Variants in SMG6 observed in about 807,000 individuals in gnomAD.
The protein encoded by SMG6 is telomerase-binding protein EST1A.
SMG6 carries 66 observed loss-of-function variants against 142.2 expected under a neutral mutation model. That is an observed-to-expected ratio of 0.46 (90% CI 0.38 to 0.57). The LOEUF (loss-of-function observed/expected upper bound fraction) is 0.57. Ranked by LOEUF, SMG6 falls within the 20% of genes least tolerant of loss-of-function variation. SMG6 has a pLI of 0.00. For synonymous variants in SMG6, 779 were observed against 702.4 expected (o/e 1.11, Z -1.72); for missense variants, 1,793 against 1,832.0 (o/e 0.98, Z 0.39).
At chr17:2,073,990 A>G (rs940539390) in intron 15 of SMG6, among the ~76,000 whole-genome samples, 1 of 151,884 alleles carries the variant, frequency 6.6e-6, no homozygotes, top group East Asian at 2.0e-4. Flanking sequence ...GAGGCAGGAG[A>G]ATCGCTTAAA....
chr17:2,205,374 C>T (rs1035531474), intron 10 of SMG6, among the ~76,000 whole-genome samples: 1 of 152,148 alleles, frequency 6.6e-6, no homozygotes, highest in Non-Finnish European at 1.5e-5. Context: ...CGTGAGCCAC[C>T]ACGCCTGGCC....
rs192830132 is a variant in SMG6 at position 2,154,643 on chromosome 17, T to C, written c.3357+18015A>G. ...TATATTCAAGCTGAAATCAGAGGCC[T>C]AGACTAACTAGAGGCCTGCTGGCTG... On this transcript the variant is annotated intron_variant, in intron 13 of 18. Transcript: ENST00000263073. Among the ~76,000 whole-genome samples, 91 of 152,312 alleles carry C rather than the reference T, an allele frequency of 6.0e-4. No homozygotes were observed. In the Middle Eastern group the frequency reaches 0.01, roughly 17 times the overall value.
In SMG6 at chr17:2,181,000, G is replaced by A. The variant is rs115982121; in HGVS notation, c.3155+5663C>T. ...GGAGCATTTCCAAACCCTTCAAAAC[G>A]ATGAGCAGCAACAAGGACTTTACAA... On this transcript the variant is annotated intron_variant, in intron 12 of 18. Coordinates refer to ENST00000263073, the MANE Select transcript of SMG6 (RefSeq NM_017575.5). Among the ~76,000 whole-genome samples, 362 of 152,218 alleles carry A rather than the reference G, an allele frequency of 2.4e-3. 5 individuals carry two copies. The highest frequency in any genetic ancestry group is 7.9e-3 in the African/African-American group (329 of 41,534).
chr17:2,200,713 T>A (rs750658910), intron 10 of SMG6, among the ~76,000 whole-genome samples: 17 of 152,152 alleles, frequency 1.1e-4, no homozygotes, highest in Admixed American at 3.3e-4. Context: ...AATTTAATTT[T>A]ATTTATTTAT....
chr17:2,077,954 C>T (rs2068306135), intron 15 of SMG6, among the ~76,000 whole-genome samples: 1 of 152,110 alleles, frequency 6.6e-6, no homozygotes, highest in Non-Finnish European at 1.5e-5. Flanking sequence ...GAAAAACAGA[C>T]TGGGAACAGA....
intron 12 of SMG6, among the ~76,000 whole-genome samples, chr17:2,185,893 C>A (rs929770060): frequency 1.3e-5 from 2 of 152,132 alleles, no homozygotes; most frequent in Admixed American, 1.3e-4. Context: ...AGGAGACAAA[C>A]TGCAGAAGAC....
At chr17:2,226,800 G>C (rs1194224842) in intron 10 of SMG6, among the ~76,000 whole-genome samples, 1 of 151,456 alleles carries the variant, frequency 6.6e-6, no homozygotes, top group Non-Finnish European at 1.5e-5. Flanking sequence ...GGGAGGCTGA[G>C]GCACGAGAAT....
rs575521079 is a variant in SMG6, at chr17:2,147,253, C to T, written c.3357+25405G>A. Among the ~76,000 whole-genome samples the T allele has an allele frequency of 8.5e-5, 13 of 152,076 alleles. No individual in the cohort carries two copies. In the South Asian group the frequency reaches 2.1e-3, roughly 24 times the overall value. ...ACTAAAAATACAAAAATTAGCTGAG[C>T]GTGGTGGTGGGTGACTGTAATCCCA... On this transcript the variant is annotated intron_variant, in intron 13 of 18. Transcript: ENST00000263073.
chr17:2,287,510 G>A (rs1394145908), intron 6 of SMG6, among the ~76,000 whole-genome samples: 4 of 152,056 alleles, frequency 2.6e-5, no homozygotes, highest in Non-Finnish European at 5.9e-5. Flanking sequence ...CCTAAAATCA[G>A]AATTACCAAA....
intron 13 of SMG6, among the ~76,000 whole-genome samples, chr17:2,140,249 G>A (rs902683152): frequency 6.6e-6 from 1 of 151,736 alleles, no homozygotes; most frequent in Admixed American, 6.6e-5. Flanking sequence ...TTTTAGTAGA[G>A]ATGGGGTTTT....
intron 13 of SMG6, among the ~76,000 whole-genome samples, chr17:2,168,840 C>T (rs913868765): frequency 2.0e-5 from 3 of 152,078 alleles, no homozygotes; most frequent in African/African-American, 7.2e-5. Context: ...CCTCTACCTT[C>T]TGGGTTCAAG....
intron 13 of SMG6, among the ~76,000 whole-genome samples, chr17:2,115,042 G>A (rs1474418840): frequency 6.6e-6 from 1 of 151,712 alleles, no homozygotes; most frequent in East Asian, 1.9e-4. Flanking sequence ...GATCCTACCA[G>A]GGTTGATGGG....
intron 13 of SMG6, among the ~76,000 whole-genome samples, chr17:2,108,343 G>A (rs1208772844): frequency 2.6e-5 from 4 of 152,132 alleles, no homozygotes; most frequent in Admixed American, 2.0e-4. Flanking sequence ...CTTGCCAGGC[G>A]CAGTGACTCA....
chr17:2,191,836 T>C (rs1195954025), intron 10 of SMG6, among the ~76,000 whole-genome samples: 1 of 152,214 alleles, frequency 6.6e-6, no homozygotes, highest in Non-Finnish European at 1.5e-5. Flanking sequence ...GTCGTCAAAG[T>C]TGCATGAAAT....
At chr17:2,277,152 TATTTATTTATTTATTTTTTA>T (rs1567740152) in intron 8 of SMG6, among the ~76,000 whole-genome samples, 3 of 78,064 alleles carry the variant, frequency 3.8e-5, no homozygotes, top group African/African-American at 1.7e-4. Flanking sequence ...TTTATTTATT[TATTTATTTATTTATTTTTTA>T]TTTTTTTTTT....
At chr17:2,122,893 C>T (rs1258874851) in intron 13 of SMG6, among the ~76,000 whole-genome samples, 1 of 152,216 alleles carries the variant, frequency 6.6e-6, no homozygotes, top group African/African-American at 2.4e-5. Flanking sequence ...CACAGAGGGG[C>T]CCCTTCCTCT....
chr17:2,094,078 G>A lies in SMG6; in HGVS notation c.3358-8177C>T, dbSNP rs888130698. Reference sequence around the variant, plus strand: ...TGCATTACTCCAGTAATCTAGAGAGGCTCCAAGGTCCCGGGCTTCGGAACA... The same window carrying A: ...TGCATTACTCCAGTAATCTAGAGAGACTCCAAGGTCCCGGGCTTCGGAACA... On this transcript the variant is annotated intron_variant, in intron 13 of 18. Transcript: ENST00000263073. 4.7e-4 allele frequency among the ~76,000 whole-genome samples: 71 copies of A among 152,266 alleles called. 1 individual carries two copies. Among genetic ancestry groups the A allele is most frequent in the Admixed American group, 3.9e-3 (59 of 15,304 alleles).
At chr17:2,186,895 C>T (rs1311233668) in intron 11 of SMG6, 64 bp from the exon 12 acceptor site, 15 of 1,556,566 alleles carry the variant, frequency 9.6e-6, no homozygotes, top group East Asian at 6.9e-5. Context: ...AGGCCTGGGG[C>T]GCTGGGACGG....
chr17:2,245,546 G>A lies in SMG6; in HGVS notation c.2662-827C>T, dbSNP rs534315262. Among the ~76,000 whole-genome samples, 21 of 151,984 alleles carry A rather than the reference G, an allele frequency of 1.4e-4. No homozygotes were observed. In the South Asian group the frequency reaches 2.3e-3, roughly 17 times the overall value. On this transcript the variant is annotated intron_variant, in intron 8 of 18. Transcript: ENST00000263073. ...ATTACAGGCATGCACCCCCATAATC[G>A]GCTAATTTTTGTATTTTTAGAAGAG...
Sources: gnomAD v4.1 joint callset for allele counts (sites outside exome capture counted in the v4.1 genomes callset) on GRCh38, gnomAD v4.1.1 for gene constraint, MANE v1.5 for transcripts, NCBI Gene and HGNC (gene_info 2026-07-23, HGNC 2026-07-21) for gene names.